The following SBNO2 variants were observed in gnomAD, a reference collection of about 807,000 sequenced individuals.
The protein encoded by SBNO2 is protein strawberry notch homolog 2.
In SBNO2, 89 loss-of-function variants were observed where a neutral mutation model predicts 146.3. The ratio of observed to expected loss-of-function variants is 0.61; its 90% confidence interval spans 0.51 to 0.73. The LOEUF is 0.73. SBNO2 is among the 30% of genes least tolerant of loss of function. The pLI, the probability that SBNO2 is intolerant of heterozygous loss-of-function variation, is 0.00. For missense variants in SBNO2, 2,092 were observed against 2,003.7 expected (o/e 1.04, Z -0.84); for synonymous variants, 1,147 against 892.6 (o/e 1.29, Z -5.08).
chr19:1,108,298 G>GCCCCCCCCCCCCCCGCCCACC lies in SBNO2; in HGVS notation c.4022_4023insGGTGGGCGGGGGGGGGGGGGG (p.Gly1341_Ala1342insValGlyGlyGlyGlyGlyGly). ...GCCGCTCGGGACCACCGCCCGCCGC[G>GCCCCCCCCCCCCCCGCCCACC]CCCCCCGCCCCCGCGCCCTCCCCCA... On this transcript the variant is annotated inframe_insertion, in exon 32 of 32. Coordinates refer to ENST00000361757, the MANE Select transcript of SBNO2 (RefSeq NM_014963.3). The GCCCCCCCCCCCCCCGCCCACC allele has an allele frequency of 6.7e-7, 1 of 1,482,364 alleles. No individual in the cohort carries two copies. The highest frequency in any genetic ancestry group is 9.0e-7 in the Non-Finnish European group (1 of 1,112,320). 91.8% of individuals were successfully genotyped at this position (1,482,364 alleles called of 1,614,324 possible).
At position 1,112,302 on chromosome 19, in the gene SBNO2, CT is replaced by C. The variant is rs1466961178; in HGVS notation, c.2516-2del. ...ACCTGGTTGGACCGGTGGGTGCGGCCTGGGGGCAGAGCTGCTCTCAGGGCCC... is the reference window on the plus strand; with the variant it reads ...ACCTGGTTGGACCGGTGGGTGCGGCCGGGGGCAGAGCTGCTCTCAGGGCCC... On this transcript the variant is annotated splice_acceptor_variant, in intron 21 of 31. Transcript: ENST00000361757. LOFTEE classifies it high-confidence loss of function. This position sits in a 1 kb window ranked among gnomAD's most constrained non-coding sequence, Gnocchi z 5.9. 6.3e-7 allele frequency: 1 copy of C among 1,581,948 alleles called. No homozygotes were observed. Among genetic ancestry groups the C allele is most frequent in the Non-Finnish European group, 8.6e-7 (1 of 1,165,270 alleles).
rs148301711 is a variant in SBNO2, at chr19:1,122,076, T to G, written c.1149+63A>C. On this transcript the variant is annotated intron_variant, in intron 11 of 31. Coordinates refer to ENST00000361757, the MANE Select transcript of SBNO2 (RefSeq NM_014963.3). ...CCACCCCTCCTCTCCCACTCCTCCATCCTCCTTTTCCCTCCGACCCCCTAA... is the reference window on the plus strand; with the variant it reads ...CCACCCCTCCTCTCCCACTCCTCCAGCCTCCTTTTCCCTCCGACCCCCTAA... 2.7e-4 allele frequency: 115 copies of G among 431,256 alleles called. 1 individual carries two copies. Among genetic ancestry groups the G allele is most frequent in the African/African-American group, 2.5e-3 (105 of 42,564 alleles). 26.7% of individuals were successfully genotyped at this position (431,256 alleles called of 1,614,324 possible). A position where few individuals can be genotyped will look rare whatever the true frequency, so the allele number is the denominator to read the frequency against.
At chr19:1,123,857 C>T in intron 6 of SBNO2, 85 bp downstream of exon 6, 2 of 1,401,200 alleles carry the variant, frequency 1.4e-6, no homozygotes, top group Non-Finnish European at 1.9e-6. Flanking sequence ...CAAGCGCTCC[C>T]CACAATGGAG....
intron 5 of SBNO2, among the ~76,000 whole-genome samples, chr19:1,125,560 C>G (rs2079955783): frequency 6.6e-6 from 1 of 151,884 alleles, no homozygotes; most frequent in Admixed American, 6.6e-5. Flanking sequence ...ATCTCAGCTA[C>G]TAGGGAGGCT....
At chr19:1,145,704 C>T (rs574323390) in intron 4 of SBNO2, among the ~76,000 whole-genome samples, 4 of 152,154 alleles carry the variant, frequency 2.6e-5, no homozygotes, top group Admixed American at 2.0e-4. Context: ...TCTGGACAGG[C>T]GCCTCCCCTG....
At position 1,144,969 on chromosome 19, in the gene SBNO2, G is replaced by C. The variant is rs924418654; in HGVS notation, c.279+2340C>G. On this transcript the variant is annotated intron_variant, in intron 4 of 31. Transcript: ENST00000361757. This position sits in a 1 kb window ranked among gnomAD's most constrained non-coding sequence, Gnocchi z 4.1. ...AGACAGAGACAAAGAGGGAGACAGA[G>C]ACAGAGACTGAGAGGGAGACAGAGA... is the stretch of plus-strand genomic sequence containing the variant. 6.7e-6 allele frequency among the ~76,000 whole-genome samples: 1 copy of C among 149,694 alleles called. No homozygotes were observed. The highest frequency in any genetic ancestry group is 1.5e-5 in the Non-Finnish European group (1 of 67,546).
At chr19:1,121,304 C>T (rs1197980275) in intron 11 of SBNO2, among the ~76,000 whole-genome samples, 3 of 152,186 alleles carry the variant, frequency 2.0e-5, no homozygotes, top group Admixed American at 6.5e-5. Context: ...AGCAGCTCAG[C>T]GAGGTATGAT....
chr19:1,163,390 T>C (rs2080368844), intron 1 of SBNO2, among the ~76,000 whole-genome samples: 2 of 152,176 alleles, frequency 1.3e-5, no homozygotes, highest in Admixed American at 6.5e-5. Context: ...CCCCTGGAGC[T>C]ACTCCTTGAC....
chr19:1,120,151 G>A, intron 11 of SBNO2, 128 bp from the exon 12 acceptor site: 2 of 726,600 alleles, frequency 2.8e-6, no homozygotes, highest in Admixed American at 2.7e-5. Flanking sequence ...AACTCCACGA[G>A]GGAAGCCCAG....
Position 1,117,330 on chromosome 19 carries a change from C to A in SBNO2, c.1697G>T (p.Arg566Leu). 6.4e-7 allele frequency: 1 copy of A among 1,565,116 alleles called. No homozygotes were observed. Among genetic ancestry groups the A allele is most frequent in the Non-Finnish European group, 8.6e-7 (1 of 1,156,248 alleles). Residue 566 changes from arginine (R) to leucine (L), a missense_variant, in exon 15 of 32, where the codon CGA (arginine) becomes CTA (leucine). Physicochemically the swap from Arg to Leu is moderately radical, Grantham distance 102. Coordinates refer to ENST00000361757, the MANE Select transcript of SBNO2 (RefSeq NM_014963.3). Reference protein sequence around the residue: ...LVELAREELARDKCVVIGLQS... With the variant: ...LVELAREELALDKCVVIGLQS... ...AAGGCCGCAGCCGCTCACCTTGTCT[C>A]GCGCCAGCTCCTCTCGGGCCAGCTC...
intron 13 of SBNO2, 22 bp from the exon 14 acceptor site, chr19:1,119,186 G>A (rs373757141): frequency 1.5e-4 from 235 of 1,580,146 alleles, no homozygotes; most frequent in South Asian, 2.0e-4. Context: ...CACAGCCCCC[G>A]TGAGCACGGC....
chr19:1,125,972 C>T (rs767911254), intron 5 of SBNO2, among the ~76,000 whole-genome samples: 1 of 152,154 alleles, frequency 6.6e-6, no homozygotes, highest in African/African-American at 2.4e-5. Context: ...CCAGCCTGGG[C>T]GACAGAGTGA....
Position 1,154,222 on chromosome 19 carries a change from G to A in SBNO2, c.55C>T (p.Pro19Ser), listed in dbSNP as rs772759532. ...DRDYPQHEPP[P>S]AGSLLYSPPP... ...GGGCTGTACAGGAGGCTGCCCGCCG[G>A]CGGGGGTTCATGCTGCGGGTAATCC... is the stretch of plus-strand genomic sequence containing the variant. Residue 19 changes from proline to serine, a missense_variant, in exon 2 of 32, where the codon CCG (proline) becomes TCG (serine). Transcript: ENST00000361757. 2 of 1,261,552 alleles carry A rather than the reference G, an allele frequency of 1.6e-6. No homozygotes were observed. The highest frequency in any genetic ancestry group is 2.0e-6 in the Non-Finnish European group (2 of 1,003,132). The allele number at this position is 1,261,552 out of a possible 1,614,324, so 78.1% of individuals were successfully genotyped here. A position where few individuals can be genotyped will look rare whatever the true frequency, so the allele number is the denominator to read the frequency against.
At chr19:1,174,146 G>T (rs935713327) in intron 1 of SBNO2, 26 bp downstream of exon 1, 7 of 151,850 alleles carry the variant, frequency 4.6e-5, no homozygotes, top group Non-Finnish European at 8.8e-5. Flanking sequence ...GTGGAGCCGG[G>T]GCGGGGGTCG....
At chr19:1,147,794 T>G (rs1037486908) in intron 3 of SBNO2, among the ~76,000 whole-genome samples, 3 of 151,850 alleles carry the variant, frequency 2.0e-5, no homozygotes, top group African/African-American at 7.3e-5. Flanking sequence ...CACAGGCCCC[T>G]TGACCCACAC....
In SBNO2 at chr19:1,108,184, C is replaced by A; in HGVS notation, c.*36G>T. The A allele has an allele frequency of 6.6e-7, 1 of 1,508,498 alleles. No individual in the cohort carries two copies. Among genetic ancestry groups the A allele is most frequent in the South Asian group, 1.2e-5 (1 of 82,094 alleles). 93.4% of individuals were successfully genotyped at this position (1,508,498 alleles called of 1,614,324 possible). On this transcript the variant is annotated 3_prime_UTR_variant, in exon 32 of 32. Coordinates refer to ENST00000361757, the MANE Select transcript of SBNO2 (RefSeq NM_014963.3). ...CCGCTGCTCCTAGGGGAGAAACGGTCCCTGTGTCTTGGGGCATGTTTCGCC... is the reference window on the plus strand; with the variant it reads ...CCGCTGCTCCTAGGGGAGAAACGGTACCTGTGTCTTGGGGCATGTTTCGCC...
intron 2 of SBNO2, 60 bp downstream of exon 2, chr19:1,154,124 G>A (rs965449388): frequency 3.0e-5 from 25 of 846,308 alleles, no homozygotes; most frequent in African/African-American, 2.1e-4. Context: ...CCGGGCACTC[G>A]GAGCGGGGCA....
intron 19 of SBNO2, 69 bp downstream of exon 19, chr19:1,113,466 A>G: frequency 7.4e-7 from 1 of 1,357,896 alleles, no homozygotes; most frequent in Non-Finnish European, 1.0e-6. Flanking sequence ...AGCTGCACAC[A>G]GCCTGCGTGA....
intron 4 of SBNO2, among the ~76,000 whole-genome samples, chr19:1,138,361 A>G (rs1257387717): frequency 1.3e-5 from 2 of 151,710 alleles, no homozygotes; most frequent in Non-Finnish European, 2.9e-5. Context: ...CTGGGCACAG[A>G]GGGTGGGCTG....
Sources: allele counts gnomAD v4.1 joint callset (sites outside exome capture counted in the v4.1 genomes callset), GRCh38; gene constraint gnomAD v4.1.1; non-coding constraint Gnocchi (gnomAD v3.1); transcripts MANE v1.5; gene names NCBI Gene and HGNC (gene_info 2026-07-23, HGNC 2026-07-21).